The following SLC5A1 variants were observed in gnomAD, a reference collection of about 807,000 sequenced individuals.
SLC5A1 encodes the protein solute carrier family 5 member 1.
In SLC5A1, 42 loss-of-function variants were observed where a neutral mutation model predicts 73.5. The observed-to-expected ratio is 0.57, with a 90% CI of 0.45 to 0.74. The LOEUF (loss-of-function observed/expected upper bound fraction) is 0.74, where lower values mean the gene tolerates loss of function less well. SLC5A1 is among the 30% of genes least tolerant of loss of function. The probability of loss-of-function intolerance (pLI) is 0.00; values close to 1 mark genes in which losing one functional copy is unlikely to be tolerated. For missense variants in SLC5A1, 634 were observed against 855.4 expected, an observed-to-expected ratio of 0.74 and a Z score of 3.23; for synonymous variants, 300 against 317.4, an observed-to-expected ratio of 0.95 and a Z score of 0.58.
At chr22:32,045,863 ACCATGGG>A (rs2093936452) in intron 1 of SLC5A1, among the ~76,000 whole-genome samples, 1 of 152,164 alleles carries the variant, frequency 6.6e-6, no homozygotes, top group Non-Finnish European at 1.5e-5. Context: ...TAAACTATGG[ACCATGGG>A]CCAAATCTGT....
chr22:32,069,038 G>A (rs1475997), intron 5 of SLC5A1, among the ~76,000 whole-genome samples: 6,809 of 152,270 alleles, frequency 0.045, 205 homozygotes, highest in Non-Finnish European at 0.07. Context: ...ATGAATGGAT[G>A]AAGAATACGT....
At chr22:32,098,073 CAG>C (rs1011238680) in intron 11 of SLC5A1, among the ~76,000 whole-genome samples, 4 of 152,124 alleles carry the variant, frequency 2.6e-5, no homozygotes, top group African/African-American at 9.7e-5. Flanking sequence ...GTGGGTCAAA[CAG>C]AATTCTTATA....
chr22:32,070,803 T>C (rs2093981776), intron 5 of SLC5A1, among the ~76,000 whole-genome samples: 1 of 152,198 alleles, frequency 6.6e-6, no homozygotes, highest in Admixed American at 6.5e-5. Context: ...AGAGAAAAGT[T>C]TGCTTGTAGA....
intron 14 of SLC5A1, among the ~76,000 whole-genome samples, chr22:32,108,499 T>C (rs193046833): frequency 1.2e-4 from 19 of 152,232 alleles, no homozygotes; most frequent in South Asian, 4.2e-4. Context: ...TCTGCTATTT[T>C]GGTGGAGTGA....
Position 32,068,021 on chromosome 22 carries a change from G to T in SLC5A1, c.367G>T (p.Ala123Ser), listed in dbSNP as rs749711318. 6.2e-7 allele frequency: 1 copy of T among 1,614,030 alleles called. No homozygotes were observed. The highest frequency in any genetic ancestry group is 8.5e-7 in the Non-Finnish European group (1 of 1,179,902). ...GCTGTTTGTCCCCATCTATATTAAG[G>T]CTGGGGTAAGTATCTGCTCTGTTAT... Reference protein sequence around the residue: ...GWLFVPIYIKAGVVTMPEYLR... With the variant: ...GWLFVPIYIKSGVVTMPEYLR... Residue 123 changes from alanine to serine, a missense_variant, in exon 4 of 15, where the codon GCT becomes TCT. Physicochemically the swap from Ala to Ser is moderately conservative, Grantham distance 99. Around this residue, in one of 3 missense-constraint regions of SLC5A1, gnomAD observed 422 missense variants for 626.1 expected, o/e 0.67. Coordinates refer to ENST00000266088, the MANE Select transcript of SLC5A1 (RefSeq NM_000343.4).
At chr22:32,091,153 C>CA (rs2094016575) in intron 10 of SLC5A1, among the ~76,000 whole-genome samples, 1 of 147,514 alleles carries the variant, frequency 6.8e-6, no homozygotes, top group Admixed American at 6.8e-5. Context: ...ATGATTTGCA[C>CA]GTATTTTCTC....
intron 5 of SLC5A1, among the ~76,000 whole-genome samples, chr22:32,070,677 C>T (rs2093981619): frequency 6.6e-6 from 1 of 152,008 alleles, no homozygotes. Context: ...TGTAAGTGTT[C>T]AGGTCAATTC....
At chr22:32,107,026 G>A (rs1316840134) in intron 14 of SLC5A1, among the ~76,000 whole-genome samples, 1 of 152,188 alleles carries the variant, frequency 6.6e-6, no homozygotes, top group Non-Finnish European at 1.5e-5. Context: ...GGGAGAGGCT[G>A]TGCCTAAGGT....
At chr22:32,060,851 T>C (rs2093961452) in intron 2 of SLC5A1, among the ~76,000 whole-genome samples, 1 of 152,134 alleles carries the variant, frequency 6.6e-6, no homozygotes, top group African/African-American at 2.4e-5. Context: ...ATTGCAGGCC[T>C]GAGACACCAC....
intron 11 of SLC5A1, among the ~76,000 whole-genome samples, chr22:32,098,912 G>A (rs1008935647): frequency 5.3e-5 from 8 of 151,146 alleles, no homozygotes; most frequent in Admixed American, 4.0e-4. Context: ...TGGTGAAACC[G>A]TCTCTACTAA....
intron 11 of SLC5A1, among the ~76,000 whole-genome samples, chr22:32,093,863 G>C (rs2094022191): frequency 6.6e-6 from 1 of 152,096 alleles, no homozygotes; most frequent in Non-Finnish European, 1.5e-5. Context: ...CTCTGGCTAG[G>C]ACTTCCAGTA....
chr22:32,048,562 G>A (rs2093940149), intron 1 of SLC5A1, among the ~76,000 whole-genome samples: 2 of 152,212 alleles, frequency 1.3e-5, no homozygotes, highest in African/African-American at 4.8e-5. Flanking sequence ...AGGCTCATCA[G>A]ATAACACTGT....
At chr22:32,108,566 C>T (rs1030281245) in intron 14 of SLC5A1, among the ~76,000 whole-genome samples, 2 of 152,110 alleles carry the variant, frequency 1.3e-5, no homozygotes, top group African/African-American at 4.8e-5. Flanking sequence ...AAGAGACCTA[C>T]ACTTTTTGAC....
chr22:32,073,853 C>G (rs2093986645), intron 5 of SLC5A1, among the ~76,000 whole-genome samples: 1 of 152,128 alleles, frequency 6.6e-6, no homozygotes, highest in Non-Finnish European at 1.5e-5. Flanking sequence ...GCCACTGCGC[C>G]CGGCCCCCGG....
intron 11 of SLC5A1, among the ~76,000 whole-genome samples, chr22:32,096,083 G>A (rs955253109): frequency 2.0e-5 from 3 of 152,034 alleles, no homozygotes; most frequent in African/African-American, 7.2e-5. Context: ...TGGCTTTCCT[G>A]GTATATTCCT....
chr22:32,091,584 G>A (rs1451617172), intron 10 of SLC5A1, 28 bp from the exon 11 acceptor site: 2 of 1,613,746 alleles, frequency 1.2e-6, no homozygotes, highest in Non-Finnish European at 8.5e-7. Flanking sequence ...GTGCTGTTAT[G>A]TGCCACTCAA....
At chr22:32,105,038 A>G (rs2094043034) in intron 14 of SLC5A1, 147 bp downstream of exon 14, 1 of 702,218 alleles carries the variant, frequency 1.4e-6, no homozygotes, top group Non-Finnish European at 2.6e-6. Flanking sequence ...GATGAGATGG[A>G]TAAGTGGGTT....
Position 32,084,421 on chromosome 22 carries a change from T to C in SLC5A1, c.665-18T>C. The C allele has an allele frequency of 6.2e-7, 1 of 1,607,356 alleles. No homozygotes were observed. On this transcript the variant is annotated intron_variant, in intron 7 of 14. Transcript: ENST00000266088. The stretch of plus-strand genomic sequence containing the variant: ...TTGAAGGTTTCAGAATGTTCATTTC[T>C]GTACCGATGTTTTCCAGCTTTTCAC...
chr22:32,083,530 G>A (rs1402751816), intron 7 of SLC5A1, among the ~76,000 whole-genome samples: 2 of 152,178 alleles, frequency 1.3e-5, no homozygotes, highest in Non-Finnish European at 2.9e-5. Flanking sequence ...TTCCATCTTA[G>A]GCTATATCTT....
Sources: allele counts gnomAD v4.1 joint callset (sites outside exome capture counted in the v4.1 genomes callset), GRCh38; gene constraint gnomAD v4.1.1; regional missense constraint gnomAD v4.1.1; transcripts MANE v1.5; gene names NCBI Gene and HGNC (gene_info 2026-07-23, HGNC 2026-07-21).